The following METTL15 variants were observed in gnomAD, a reference collection of about 807,000 sequenced individuals.
METTL15 encodes the protein 12S rRNA N(4)-cytidine methyltransferase METTL15.
A neutral mutation model predicts 38.3 loss-of-function variants in METTL15; 34 were observed. That is an observed-to-expected ratio of 0.89 (90% CI 0.68 to 1.18). The LOEUF is 1.18. METTL15 is among the 50% of genes most tolerant of loss of function. METTL15 has a pLI of 0.00. For synonymous variants in METTL15, 162 were observed against 170.9 expected (o/e 0.95, Z 0.41); for missense variants, 438 against 498.4 (o/e 0.88, Z 1.15).
Position 28,287,587 on chromosome 11 carries a change from G to A in METTL15, c.408-2619G>A, listed in dbSNP as rs577474385. ...TGCCTCTCTTTCTGGCATTGTTGAT[G>A]CTCTTGAGAGCATCAGCCAGGACAT... On this transcript the variant is annotated intron_variant, in intron 4 of 6. Transcript: ENST00000407364. The A allele has an allele frequency of 9.2e-4, 233 of 253,902 alleles. 2 individuals carry two copies. The highest frequency in any genetic ancestry group is 1.6e-3 in the Middle Eastern group (1 of 616). The allele number at this position is 253,902 out of a possible 1,614,324, so 15.7% of individuals were successfully genotyped here. A position where few individuals can be genotyped will look rare whatever the true frequency, so the allele number is the denominator to read the frequency against.
At chr11:28,474,983 G>A (rs570516586) in intron 6 of METTL15, among the ~76,000 whole-genome samples, 42 of 152,260 alleles carry the variant, frequency 2.8e-4, no homozygotes, top group African/African-American at 9.9e-4. Context: ...AGAAGCAGAG[G>A]TCCTCAATCC....
chr11:28,429,669 C>T (rs1400029397), intron 6 of METTL15, among the ~76,000 whole-genome samples: 21 of 50,392 alleles, frequency 4.2e-4, no homozygotes, highest in Admixed American at 2.8e-3. Flanking sequence ...CTCAATGGTG[C>T]CCAGGCTGGA....
At chr11:28,227,181 A>G (rs1232511076) in intron 4 of METTL15, among the ~76,000 whole-genome samples, 1 of 151,884 alleles carries the variant, frequency 6.6e-6, no homozygotes, top group East Asian at 1.9e-4. Flanking sequence ...TTCCATAAAC[A>G]TGTATTATAC....
intron 5 of METTL15, among the ~76,000 whole-genome samples, chr11:28,372,889 G>A (rs7112692): frequency 0.41 from 59,403 of 146,284 alleles, 13,710 homozygotes; most frequent in Admixed American, 0.52. Flanking sequence ...TTGTTCTTGC[G>A]ATAGTTTACT....
At chr11:28,486,341 C>G (rs1851439312) in intron 6 of METTL15, among the ~76,000 whole-genome samples, 1 of 151,720 alleles carries the variant, frequency 6.6e-6, no homozygotes, top group African/African-American at 2.4e-5. Context: ...GGATCAGGCT[C>G]TCATGTTAAT....
At chr11:28,242,063 A>T (rs1854322858) in intron 4 of METTL15, among the ~76,000 whole-genome samples, 1 of 152,234 alleles carries the variant, frequency 6.6e-6, no homozygotes, top group African/African-American at 2.4e-5. Flanking sequence ...AGCTAGAAAC[A>T]GGGATCCATT....
chr11:28,240,404 TA>T (rs1382871606), intron 4 of METTL15, among the ~76,000 whole-genome samples: 1 of 152,204 alleles, frequency 6.6e-6, no homozygotes, highest in Admixed American at 6.5e-5. Flanking sequence ...ACTATAGTTG[TA>T]AAAATAACAA....
chr11:28,398,265 G>T (rs1161375824), intron 5 of METTL15, among the ~76,000 whole-genome samples: 1 of 151,634 alleles, frequency 6.6e-6, no homozygotes, highest in East Asian at 1.9e-4. Flanking sequence ...ACAAAAATTT[G>T]GTTTTTAAAA....
chr11:28,128,222 A>G (rs1027925576), intron 3 of METTL15, among the ~76,000 whole-genome samples: 6 of 152,126 alleles, frequency 3.9e-5, no homozygotes, highest in African/African-American at 1.4e-4. Flanking sequence ...TAGGTTGGGT[A>G]AAAAATAAAT....
chr11:28,468,113 G>T (rs1325382240), intron 6 of METTL15, among the ~76,000 whole-genome samples: 1 of 152,104 alleles, frequency 6.6e-6, no homozygotes, highest in Non-Finnish European at 1.5e-5. Context: ...CATCTTAATG[G>T]TGACACACCC....
chr11:28,292,238 G>T (rs1856547340), intron 5 of METTL15, among the ~76,000 whole-genome samples: 1 of 124,640 alleles, frequency 8.0e-6, no homozygotes, highest in Non-Finnish European at 1.6e-5. Context: ...GCCCCAGTGT[G>T]TGATGTTCCC....
chr11:28,221,393 C>T (rs1037380435), intron 4 of METTL15, among the ~76,000 whole-genome samples: 2 of 152,134 alleles, frequency 1.3e-5, no homozygotes, highest in Admixed American at 6.5e-5. Flanking sequence ...AGTTCTCGTG[C>T]CATGGTTTTC....
intron 6 of METTL15, among the ~76,000 whole-genome samples, chr11:28,449,981 T>G (rs1322544363): frequency 3.3e-5 from 5 of 152,228 alleles, no homozygotes; most frequent in Non-Finnish European, 7.3e-5. Flanking sequence ...TTTCCGAAAT[T>G]CTTGACCCAT....
intron 4 of METTL15, among the ~76,000 whole-genome samples, chr11:28,258,996 A>G (rs898485487): frequency 6.6e-6 from 1 of 152,132 alleles, no homozygotes; most frequent in African/African-American, 2.4e-5. Flanking sequence ...TCTCAGCTGA[A>G]GCCAGCAAGT....
chr11:28,263,896 T>C (rs543909681), intron 4 of METTL15, among the ~76,000 whole-genome samples: 1 of 152,192 alleles, frequency 6.6e-6, no homozygotes, highest in East Asian at 1.9e-4. Context: ...ACGTAACTTA[T>C]TATCCTCCCA....
chr11:28,391,859 A>T lies in METTL15; in HGVS notation c.*358+29823A>T, dbSNP rs577090286. ...AAATGTTAGACCTGAAACCATAAAA[A>T]CCCTAGAAGAAAACCTACGCAATAC... On this transcript the variant is annotated intron_variant and NMD_transcript_variant, in intron 5 of 7. Coordinates refer to the METTL15 transcript ENST00000532947. Among the ~76,000 whole-genome samples, 4 of 152,298 alleles carry T rather than the reference A, an allele frequency of 2.6e-5. No individual in the cohort carries two copies. In the East Asian group the frequency reaches 5.8e-4, roughly 22 times the overall value.
chr11:28,199,673 C>T (rs547297319), intron 3 of METTL15, among the ~76,000 whole-genome samples: 1 of 151,862 alleles, frequency 6.6e-6, no homozygotes, highest in Non-Finnish European at 1.5e-5. Flanking sequence ...TAAATGGCTC[C>T]AATATACTCA....
intron 4 of METTL15, among the ~76,000 whole-genome samples, chr11:28,262,471 G>T (rs923382925): frequency 1.3e-5 from 2 of 151,618 alleles, no homozygotes; most frequent in Non-Finnish European, 2.9e-5. Flanking sequence ...ATATATATGT[G>T]TATGCATAAA....
chr11:28,275,630 A>G (rs2133964324), intron 4 of METTL15, among the ~76,000 whole-genome samples: 1 of 134,204 alleles, frequency 7.5e-6, no homozygotes, highest in African/African-American at 3.1e-5. Flanking sequence ...CGTCAAAACC[A>G]GACAAAGATA....
Sources: allele counts gnomAD v4.1 joint callset (sites outside exome capture counted in the v4.1 genomes callset), GRCh38; gene constraint gnomAD v4.1.1; transcripts MANE v1.5; gene names NCBI Gene and HGNC (gene_info 2026-07-23, HGNC 2026-07-21).